HIVEP2: variants seen among roughly 807,000 people sequenced by gnomAD.
HIVEP2 encodes transcription factor HIVEP2.
A neutral mutation model predicts 180.7 loss-of-function variants in HIVEP2; 14 were observed. That is an observed-to-expected ratio of 0.08 (90% confidence interval 0.05 to 0.12). The LOEUF (loss-of-function observed/expected upper bound fraction) is 0.12. Among genes scored for constraint, HIVEP2 ranks in the 10% least tolerant of loss-of-function variants. The probability of loss-of-function intolerance (pLI) is 1.00; values close to 1 mark genes in which losing one functional copy is unlikely to be tolerated. For missense variants in HIVEP2, 2,579 were observed against 3,008.5 expected, an observed-to-expected ratio of 0.86 and a Z score of 3.34; for synonymous variants, 1,184 against 1,136.4, an observed-to-expected ratio of 1.04 and a Z score of -0.84.
Position 142,771,606 on chromosome 6 carries a change from C to T in HIVEP2, c.3133G>A (p.Glu1045Lys). The T allele has an allele frequency of 6.2e-7, 1 of 1,614,184 alleles. No individual in the cohort carries two copies. Among genetic ancestry groups the T allele is most frequent in the South Asian group, 1.1e-5 (1 of 91,082 alleles). The change falls in exon 5 of 10, where the codon GAA becomes AAA. Residue 1045 changes from glutamate (E) to lysine (K), a missense_variant. Physicochemically the swap from Glu to Lys is moderately conservative, Grantham distance 56. Transcript: ENST00000367603. This position sits in a 1 kb window ranked among gnomAD's most constrained non-coding sequence, Gnocchi z 5.4. Reference sequence around the variant, plus strand: ...TAATCAAATGATTTGCTCCGAACTTCTGGGACTTCCGCTGGGTGAGGACAA... The same window carrying T: ...TAATCAAATGATTTGCTCCGAACTTTTGGGACTTCCGCTGGGTGAGGACAA... ...MPCPHPAEVP[E>K]VRSKSFDYGN...
chr6:142,856,546 C>T (rs1002316521), intron 1 of HIVEP2, among the ~76,000 whole-genome samples: 3 of 152,150 alleles, frequency 2.0e-5, no homozygotes, highest in African/African-American at 7.2e-5. Flanking sequence ...CTTGCTAAGC[C>T]CAGGCACACT....
At chr6:142,893,452 A>G (rs900718167) in intron 1 of HIVEP2, among the ~76,000 whole-genome samples, 9 of 152,210 alleles carry the variant, frequency 5.9e-5, no homozygotes, top group Non-Finnish European at 1.0e-4. Flanking sequence ...CTAATTATCA[A>G]GCAGGTACTG....
At chr6:142,913,641 G>A (rs1420612994) in intron 1 of HIVEP2, among the ~76,000 whole-genome samples, 1 of 152,192 alleles carries the variant, frequency 6.6e-6, no homozygotes, top group African/African-American at 2.4e-5. Context: ...CAAGTAACGT[G>A]GTGAGAGCAC....
chr6:142,903,216 T>C (rs974796242), intron 1 of HIVEP2, among the ~76,000 whole-genome samples: 1 of 152,202 alleles, frequency 6.6e-6, no homozygotes, highest in African/African-American at 2.4e-5. Flanking sequence ...TATGTGAAAA[T>C]AAAATGTTTT....
chr6:142,872,412 T>G (rs1300697234), intron 1 of HIVEP2, among the ~76,000 whole-genome samples: 2 of 152,208 alleles, frequency 1.3e-5, no homozygotes, highest in Non-Finnish European at 2.9e-5. Flanking sequence ...AGGCAGCTGT[T>G]GGCAAAAACT....
rs546561102 is a variant in HIVEP2 at position 142,905,903 on chromosome 6, G to T, written c.-641+39196C>A. ...TCCTAGCCCTTTGGGAGGCCGAGGC[G>T]GGGGCGGACCACTGGAAGTCAGGAG... is the stretch of plus-strand genomic sequence containing the variant. On this transcript the variant is annotated intron_variant, in intron 1 of 9. Coordinates refer to ENST00000367603, the MANE Select transcript of HIVEP2 (RefSeq NM_006734.4). 3.3e-5 allele frequency among the ~76,000 whole-genome samples: 5 copies of T among 152,200 alleles called. No homozygotes were observed. The South Asian group carries it at 6.2e-4, about 19-fold the overall frequency.
intron 1 of HIVEP2, among the ~76,000 whole-genome samples, chr6:142,930,305 A>C (rs1372626261): frequency 2.6e-5 from 4 of 152,216 alleles, no homozygotes; most frequent in African/African-American, 9.7e-5. Context: ...TGAATGAACC[A>C]TTCATGAAAA....
intron 3 of HIVEP2, among the ~76,000 whole-genome samples, chr6:142,782,087 C>A (rs1219773945): frequency 6.6e-6 from 1 of 152,176 alleles, no homozygotes; most frequent in Non-Finnish European, 1.5e-5. Flanking sequence ...CCACTTCCAA[C>A]ATTTTAATAA....
intron 1 of HIVEP2, among the ~76,000 whole-genome samples, chr6:142,917,593 AAAC>A (rs1249496279): frequency 6.6e-6 from 1 of 152,204 alleles, no homozygotes; most frequent in Admixed American, 6.5e-5. Flanking sequence ...AGAATCTTAT[AAAC>A]AACTTCCAAT....
chr6:142,818,781 GAAAGAAAGAAAA>G (rs1217081314), intron 2 of HIVEP2, among the ~76,000 whole-genome samples: 32 of 132,102 alleles, frequency 2.4e-4, no homozygotes, highest in Non-Finnish European at 3.9e-4. Flanking sequence ...AAGAAAGAAA[GAAAGAAAGAAAA>G]AGAAAAGAAA....
intron 2 of HIVEP2, among the ~76,000 whole-genome samples, chr6:142,823,906 A>T (rs901424382): frequency 5.3e-5 from 8 of 152,328 alleles, no homozygotes; most frequent in African/African-American, 1.2e-4. Flanking sequence ...TTGAATTTTA[A>T]ATGTTTTATT....
At chr6:142,933,500 C>A (rs183277238) in intron 1 of HIVEP2, among the ~76,000 whole-genome samples, 1 of 152,040 alleles carries the variant, frequency 6.6e-6, no homozygotes, top group Non-Finnish European at 1.5e-5. Flanking sequence ...ATCCTACAGC[C>A]GACAAGAATA....
intron 1 of HIVEP2, among the ~76,000 whole-genome samples, chr6:142,851,552 T>A (rs1775672746): frequency 6.6e-6 from 1 of 152,242 alleles, no homozygotes; most frequent in African/African-American, 2.4e-5. Context: ...GTACAATTAT[T>A]ACCCTAGCTT....
chr6:142,940,073 G>C lies in HIVEP2; in HGVS notation c.-641+5026C>G, dbSNP rs188162219. On this transcript the variant is annotated intron_variant, in intron 1 of 9. Transcript: ENST00000367603. ...TTGCAATCATGAGGAGAAATTATTG[G>C]GATACTTGAATGTCTCAGCCCTTTG... is the stretch of plus-strand genomic sequence containing the variant. 1.9e-3 allele frequency among the ~76,000 whole-genome samples: 291 copies of C among 152,040 alleles called. 1 individual carries two copies. Among genetic ancestry groups the C allele is most frequent in the Non-Finnish European group, 3.7e-3 (251 of 67,980 alleles).
chr6:142,803,549 T>A (rs1183276325), intron 2 of HIVEP2, among the ~76,000 whole-genome samples: 8 of 100,574 alleles, frequency 8.0e-5, no homozygotes, highest in Non-Finnish European at 1.5e-4. Flanking sequence ...ATACCCCAAC[T>A]ATATATATAT....
chr6:142,760,779 A>T (rs1775211908), intron 8 of HIVEP2, 112 bp from the exon 9 acceptor site: 1 of 739,480 alleles, frequency 1.4e-6, no homozygotes, highest in African/African-American at 1.8e-5. Context: ...GTGCCCACAG[A>T]TAGTTATGTC....
intron 1 of HIVEP2, among the ~76,000 whole-genome samples, chr6:142,928,357 T>A (rs1777862870): frequency 6.6e-6 from 1 of 152,248 alleles, no homozygotes; most frequent in Non-Finnish European, 1.5e-5. Flanking sequence ...ATCTTAAGAA[T>A]TGGCACAGAA....
chr6:142,827,110 T>C (rs1012439032), intron 2 of HIVEP2, among the ~76,000 whole-genome samples: 3 of 152,226 alleles, frequency 2.0e-5, no homozygotes, highest in Non-Finnish European at 2.9e-5. Flanking sequence ...GTTATTCCTG[T>C]TAAATTATAG....
rs109836 is a variant in HIVEP2, at chr6:142,770,126, A to G, written c.4613T>C (p.Leu1538Pro). 0.97 allele frequency: 1,566,395 copies of G among 1,614,236 alleles called. 760,242 individuals carry two copies. Among genetic ancestry groups the G allele is most frequent in the East Asian group, 1 (44,867 of 44,876 alleles). The change falls in exon 5 of 10, where the codon CTG (leucine) becomes CCG (proline). Residue 1538 changes from leucine (L) to proline (P), a missense_variant. Leu to Pro is a moderately conservative substitution (Grantham distance 98). Around this residue, in one of 11 missense-constraint regions of HIVEP2, gnomAD observed 349 missense variants for 367.2 expected, o/e 0.95. Coordinates refer to ENST00000367603, the MANE Select transcript of HIVEP2 (RefSeq NM_006734.4). This position sits in a 1 kb window ranked among gnomAD's most constrained non-coding sequence, Gnocchi z 4.7. ...SVSPSSREPFLPSKEMLSGSR... is the reference protein window; with the variant it reads ...SVSPSSREPFPPSKEMLSGSR... ...ACCGGAAAGCATCTCCTTGCTGGGC[A>G]GGAATGGCTCCCTGGAAGACGGGCT... is the stretch of plus-strand genomic sequence containing the variant.
Sources: allele counts gnomAD v4.1 joint callset (sites outside exome capture counted in the v4.1 genomes callset), GRCh38; gene constraint gnomAD v4.1.1; regional missense constraint gnomAD v4.1.1; non-coding constraint Gnocchi (gnomAD v3.1); transcripts MANE v1.5; gene names NCBI Gene and HGNC (gene_info 2026-07-23, HGNC 2026-07-21).